The following HDAC9 variants were observed in gnomAD, a reference collection of about 807,000 sequenced individuals.
HDAC9 encodes MEF-2 interacting transcription repressor (MITR) protein.
In HDAC9, 41 loss-of-function variants were observed where a neutral mutation model predicts 139.4. That is an observed-to-expected ratio of 0.29 (90% CI 0.23 to 0.38). The LOEUF is 0.38. Ranked by LOEUF, HDAC9 falls within the 10% of genes least tolerant of loss-of-function variation. HDAC9 has a pLI of 1.00. For missense variants in HDAC9, 1,147 were observed against 1,297.0 expected, an observed-to-expected ratio of 0.88 and a Z score of 1.78; for synonymous variants, 517 against 476.2, an observed-to-expected ratio of 1.09 and a Z score of -1.12.
At chr7:18,246,840 G>A (rs1411764293) in intron 2 of HDAC9, among the ~76,000 whole-genome samples, 1 of 152,124 alleles carries the variant, frequency 6.6e-6, no homozygotes, top group Non-Finnish European at 1.5e-5. Flanking sequence ...TGTAATCCAG[G>A]TGAGAGGAGA....
rs116681862 is a variant in HDAC9 at position 18,309,620 on chromosome 7, T to G, written c.-42+19105T>G. ...ACACAGTTTAAACAAGAGGGAACATTTGGGGACTGTTTCCAAACAGGGAAC... is the reference window on the plus strand; with the variant it reads ...ACACAGTTTAAACAAGAGGGAACATGTGGGGACTGTTTCCAAACAGGGAAC... On this transcript the variant is annotated intron_variant, in intron 1 of 3. Coordinates refer to the HDAC9 transcript ENST00000413509. 6.4e-3 allele frequency among the ~76,000 whole-genome samples: 971 copies of G among 152,226 alleles called. 12 individuals are homozygous for G. The highest frequency in any genetic ancestry group is 0.022 in the African/African-American group (925 of 41,518).
At position 18,380,493 on chromosome 7, in the gene HDAC9, T is replaced by G. The variant is rs1276371177; in HGVS notation, c.-42+89978T>G. On this transcript the variant is annotated intron_variant, in intron 1 of 3. Transcript: ENST00000413509. ...TTGTTATAAGTTTGCCATAAAATTT[T>G]TCAAGGGTATTTGGTGAAACAGAAG... Among the ~76,000 whole-genome samples, 5 of 152,314 alleles carry G rather than the reference T, an allele frequency of 3.3e-5. No homozygotes were observed. In the East Asian group the frequency reaches 9.7e-4, roughly 29 times the overall value.
chr7:18,585,295 G>C lies in HDAC9; in HGVS notation c.37G>C (p.Glu13Gln). 6.2e-7 allele frequency: 1 copy of C among 1,612,338 alleles called. No individual in the cohort carries two copies. The highest frequency in any genetic ancestry group is 8.5e-7 in the Non-Finnish European group (1 of 1,179,350). Residue 13 changes from glutamate (E) to glutamine (Q), a missense_variant, in exon 3 of 26, where the codon GAA becomes CAA. Coordinates refer to ENST00000686413, the MANE Select transcript of HDAC9 (RefSeq NM_178425.4). ...TGGTTCTTTAGTGGATGTGAAGTCAGAAGTTCCTGTGGGCCTGGAGCCCAT... is the reference window on the plus strand; with the variant it reads ...TGGTTCTTTAGTGGATGTGAAGTCACAAGTTCCTGTGGGCCTGGAGCCCAT... Reference protein sequence around the residue: ...SMISSVDVKSEVPVGLEPISP... With the variant: ...SMISSVDVKSQVPVGLEPISP...
At chr7:18,151,355 A>T (rs190281283) in intron 1 of HDAC9, among the ~76,000 whole-genome samples, 3 of 152,254 alleles carry the variant, frequency 2.0e-5, no homozygotes, top group Non-Finnish European at 2.9e-5. Context: ...ATTTGTTGAG[A>T]TGGAGTTGCA....
At chr7:18,156,113 G>A (rs1417656534) in intron 1 of HDAC9, among the ~76,000 whole-genome samples, 1 of 152,120 alleles carries the variant, frequency 6.6e-6, no homozygotes, top group Non-Finnish European at 1.5e-5. Context: ...TGTATCCCAT[G>A]TTCCCCTGTC....
At chr7:18,580,463 TATA>T (rs1396480301) in intron 2 of HDAC9, among the ~76,000 whole-genome samples, 1 of 152,164 alleles carries the variant, frequency 6.6e-6, no homozygotes, top group African/African-American at 2.4e-5. Flanking sequence ...AACAATATAA[TATA>T]ATAAATATAG....
At chr7:18,759,693 CA>C (rs1789205875) in intron 14 of HDAC9, among the ~76,000 whole-genome samples, 1 of 152,094 alleles carries the variant, frequency 6.6e-6, no homozygotes, top group Non-Finnish European at 1.5e-5. Flanking sequence ...TCTCTGGTGC[CA>C]AAAAGATTGG....
intron 1 of HDAC9, among the ~76,000 whole-genome samples, chr7:18,449,375 G>A (rs1792587569): frequency 6.6e-6 from 1 of 152,078 alleles, no homozygotes; most frequent in African/African-American, 2.4e-5. Flanking sequence ...ACACAAGAGT[G>A]CCTACTATAT....
At chr7:18,908,452 A>G (rs148136356) in intron 22 of HDAC9, among the ~76,000 whole-genome samples, 264 of 152,196 alleles carry the variant, frequency 1.7e-3, no homozygotes, top group Middle Eastern at 0.017. Context: ...TGTTAACTGT[A>G]GTCACTCTAC....
intron 17 of HDAC9, among the ~76,000 whole-genome samples, chr7:18,811,900 A>T (rs1481707952): frequency 1.3e-5 from 2 of 151,600 alleles, no homozygotes; most frequent in Non-Finnish European, 3.0e-5. Context: ...AAATATGTAC[A>T]TATTCATCCC....
At chr7:18,290,649 A>G (rs1010010402) in intron 1 of HDAC9, 1 of 399,648 alleles carries the variant, frequency 2.5e-6, no homozygotes, top group African/African-American at 2.1e-5. Flanking sequence ...TGCGGAGGGA[A>G]GCAAAAGGTT....
intron 1 of HDAC9, among the ~76,000 whole-genome samples, chr7:18,126,124 A>C (rs1001897094): frequency 6.6e-6 from 1 of 152,138 alleles, no homozygotes; most frequent in African/African-American, 2.4e-5. Context: ...TAACTGATTT[A>C]TTGGATTTCT....
chr7:18,552,712 A>C (rs1320193725), intron 2 of HDAC9, among the ~76,000 whole-genome samples: 1 of 152,168 alleles, frequency 6.6e-6, no homozygotes, highest in African/African-American at 2.4e-5. Flanking sequence ...TCCTTACTGC[A>C]GTGTATATTT....
intron 2 of HDAC9, among the ~76,000 whole-genome samples, chr7:18,582,908 A>C (rs1828268706): frequency 6.6e-6 from 1 of 152,214 alleles, no homozygotes; most frequent in Non-Finnish European, 1.5e-5. Context: ...CGCTTAGCCT[A>C]TACAATGGGG....
At chr7:18,231,555 A>G (rs1048211649) in intron 2 of HDAC9, among the ~76,000 whole-genome samples, 2 of 152,358 alleles carry the variant, frequency 1.3e-5, no homozygotes, top group Non-Finnish European at 2.9e-5. Flanking sequence ...ATTGCCAATT[A>G]GAGAGCTCTA....
chr7:18,282,300 C>A (rs190879546), intron 2 of HDAC9, among the ~76,000 whole-genome samples: 10 of 152,100 alleles, frequency 6.6e-5, no homozygotes, highest in Admixed American at 4.6e-4. Flanking sequence ...TTATAAATCC[C>A]GTTTTGTAAA....
rs1562893610 is a variant in HDAC9 at position 18,732,918 on chromosome 7, T to TGTGCGTATGTGTAC, written c.1909+5161_1909+5162insGTGCGTATGTGTAC. On this transcript the variant is annotated intron_variant, in intron 13 of 25. Coordinates refer to ENST00000686413, the MANE Select transcript of HDAC9 (RefSeq NM_178425.4). ...ACACACACACGTGTGCGTATGTGTATACACACGTGTGTATGTATGTGTATA... is the reference window on the plus strand; with the variant it reads ...ACACACACACGTGTGCGTATGTGTATGTGCGTATGTGTACACACACGTGTGTATGTATGTGTATA... Among the ~76,000 whole-genome samples the TGTGCGTATGTGTAC allele has an allele frequency of 8.7e-3, 760 of 86,912 alleles. 246 individuals are homozygous for TGTGCGTATGTGTAC. Among genetic ancestry groups the TGTGCGTATGTGTAC allele is most frequent in the African/African-American group, 0.031 (701 of 22,736 alleles). The allele number at this position is 86,912 out of a possible 152,430, so 57.0% of individuals were successfully genotyped here.
At chr7:18,562,684 G>T (rs759534296) in intron 2 of HDAC9, among the ~76,000 whole-genome samples, 8 of 152,050 alleles carry the variant, frequency 5.3e-5, no homozygotes, top group Non-Finnish European at 1.0e-4. Context: ...ATTGGAAAGT[G>T]TGAGTCCTCT....
intron 2 of HDAC9, among the ~76,000 whole-genome samples, chr7:18,207,241 G>T (rs1227071835): frequency 1.3e-5 from 2 of 151,850 alleles, no homozygotes; most frequent in African/African-American, 4.8e-5. Context: ...AACTGGCCCT[G>T]ATTTGAAATA....
Sources: allele counts gnomAD v4.1 joint callset (sites outside exome capture counted in the v4.1 genomes callset), GRCh38; gene constraint gnomAD v4.1.1; transcripts MANE v1.5; gene names NCBI Gene and HGNC (gene_info 2026-07-23, HGNC 2026-07-21).